LHFPL6: variants seen among roughly 807,000 people sequenced by gnomAD.
LHFPL6 encodes the protein LHFPL tetraspan subfamily member 6 protein.
A neutral mutation model predicts 20.6 loss-of-function variants in LHFPL6; 9 were observed. That is an observed-to-expected ratio of 0.44 (90% CI 0.26 to 0.76). The LOEUF (loss-of-function observed/expected upper bound fraction) is 0.76. Ranked by LOEUF, LHFPL6 falls within the 30% of genes least tolerant of loss-of-function variation. The pLI, the probability that LHFPL6 is intolerant of heterozygous loss-of-function variation, is 0.20. For missense variants in LHFPL6, 218 were observed against 253.5 expected (o/e 0.86, Z 0.95); for synonymous variants, 105 against 98.7 (o/e 1.06, Z -0.38).
At chr13:39,505,903 T>C (rs907797917) in intron 2 of LHFPL6, among the ~76,000 whole-genome samples, 1 of 152,200 alleles carries the variant, frequency 6.6e-6, no homozygotes, top group Non-Finnish European at 1.5e-5. Context: ...CAAGGATGCA[T>C]TATCTTACTG....
chr13:39,584,812 G>A (rs1296366606), intron 2 of LHFPL6, among the ~76,000 whole-genome samples: 2 of 152,034 alleles, frequency 1.3e-5, no homozygotes, highest in Middle Eastern at 3.2e-3. Flanking sequence ...TGACTCCATT[G>A]TAGTTCCCTT....
rs138768422 is a variant in LHFPL6, at chr13:39,344,649, C to A, written c.485-595G>T. On this transcript the variant is annotated intron_variant, in intron 3 of 3. Transcript: ENST00000379589. ...TAAATGAAAATATAATGACAAGCAT[C>A]CAAGTGGGTCCTGATTTCTCAGAGT... Among the ~76,000 whole-genome samples, 1,008 of 152,266 alleles carry A rather than the reference C, an allele frequency of 6.6e-3. 11 individuals are homozygous for A. The highest frequency in any genetic ancestry group is 0.024 in the African/African-American group (979 of 41,540).
chr13:39,582,866 C>CA (rs1315328027), intron 2 of LHFPL6, among the ~76,000 whole-genome samples: 1 of 152,164 alleles, frequency 6.6e-6, no homozygotes, highest in Non-Finnish European at 1.5e-5. Flanking sequence ...CAAGGCCTAG[C>CA]ATCTGCCATT....
chr13:39,562,407 C>T (rs1440106200), intron 2 of LHFPL6, among the ~76,000 whole-genome samples: 2 of 70,190 alleles, frequency 2.8e-5, no homozygotes, highest in Non-Finnish European at 5.6e-5. Context: ...TACATATATA[C>T]ACATATACAC....
intron 2 of LHFPL6, among the ~76,000 whole-genome samples, chr13:39,386,385 A>C (rs1251734168): frequency 6.6e-6 from 1 of 152,202 alleles, no homozygotes; most frequent in Non-Finnish European, 1.5e-5. Context: ...TCTACAAAAA[A>C]AAAGGCTTGG....
intron 2 of LHFPL6, among the ~76,000 whole-genome samples, chr13:39,551,060 T>C (rs1871133132): frequency 6.6e-6 from 1 of 152,180 alleles, no homozygotes; most frequent in African/African-American, 2.4e-5. Flanking sequence ...TCCATTGATC[T>C]ATCCTTTGTC....
At chr13:39,380,608 T>G (rs1003914703) in intron 2 of LHFPL6, among the ~76,000 whole-genome samples, 3 of 151,528 alleles carry the variant, frequency 2.0e-5, no homozygotes, top group Non-Finnish European at 4.4e-5. Context: ...CCTCCCCATC[T>G]CTGCCTCCTG....
intron 2 of LHFPL6, among the ~76,000 whole-genome samples, chr13:39,427,735 G>T (rs1033445898): frequency 1.3e-5 from 2 of 152,106 alleles, no homozygotes; most frequent in African/African-American, 4.8e-5. Context: ...TGATTTGTAG[G>T]CTTCGGATAT....
chr13:39,374,049 A>T (rs959669725), intron 3 of LHFPL6, among the ~76,000 whole-genome samples: 1 of 152,156 alleles, frequency 6.6e-6, no homozygotes, highest in South Asian at 2.1e-4. Context: ...AAAATAAATC[A>T]TTCTACCAAA....
chr13:39,386,362 G>A (rs1870563263), intron 2 of LHFPL6, among the ~76,000 whole-genome samples: 1 of 152,090 alleles, frequency 6.6e-6, no homozygotes, highest in Non-Finnish European at 1.5e-5. Flanking sequence ...AACTCAAGGA[G>A]TACATTCTTT....
chr13:39,558,382 A>G (rs1418214371), intron 2 of LHFPL6, among the ~76,000 whole-genome samples: 1 of 152,250 alleles, frequency 6.6e-6, no homozygotes, highest in African/African-American at 2.4e-5. Context: ...AATAAATATT[A>G]GGTGTTAATT....
intron 2 of LHFPL6, among the ~76,000 whole-genome samples, chr13:39,397,171 A>T (rs1268198765): frequency 1.3e-5 from 2 of 151,932 alleles, no homozygotes; most frequent in East Asian, 3.9e-4. Context: ...GAAAAAAAAA[A>T]GTAGATTTTC....
intron 2 of LHFPL6, among the ~76,000 whole-genome samples, chr13:39,536,124 A>G (rs1235761233): frequency 6.6e-6 from 1 of 152,184 alleles, no homozygotes; most frequent in Non-Finnish European, 1.5e-5. Context: ...CACAAGCAGC[A>G]AGTAGTAAGC....
rs74741701 is a variant in LHFPL6 at position 39,492,000 on chromosome 13, A to C, written c.385+108832T>G. ...TTCTCAAAATGTTTGGCATGAGCCA[A>C]GGGCCTCTTAAAATACATTAAGCTG... On this transcript the variant is annotated intron_variant, in intron 2 of 3. Coordinates refer to ENST00000379589, the MANE Select transcript of LHFPL6 (RefSeq NM_005780.3). 4.4e-3 allele frequency among the ~76,000 whole-genome samples: 674 copies of C among 152,358 alleles called. 5 individuals are homozygous for C. The highest frequency in any genetic ancestry group is 0.015 in the African/African-American group (637 of 41,588).
At chr13:39,386,750 T>C (rs1418355676) in intron 2 of LHFPL6, among the ~76,000 whole-genome samples, 18 of 152,238 alleles carry the variant, frequency 1.2e-4, no homozygotes, top group Admixed American at 1.2e-3. Context: ...AGCCAGGTCC[T>C]GGTCATCCTG....
At chr13:39,406,757 T>C (rs1353927469) in intron 2 of LHFPL6, among the ~76,000 whole-genome samples, 2 of 152,238 alleles carry the variant, frequency 1.3e-5, no homozygotes, top group Non-Finnish European at 2.9e-5. Flanking sequence ...GCATTTAATA[T>C]TATGGGGTGA....
intron 2 of LHFPL6, among the ~76,000 whole-genome samples, chr13:39,492,253 T>C (rs1430781909): frequency 6.6e-6 from 1 of 152,228 alleles, no homozygotes; most frequent in African/African-American, 2.4e-5. Flanking sequence ...CATAATGTCA[T>C]TCCCTGAGTG....
intron 2 of LHFPL6, among the ~76,000 whole-genome samples, chr13:39,379,402 G>T (rs933691674): frequency 6.6e-6 from 1 of 152,196 alleles, no homozygotes; most frequent in African/African-American, 2.4e-5. Context: ...CCACAAATGT[G>T]CTGAACCCAT....
chr13:39,563,032 T>C (rs975846195), intron 2 of LHFPL6, among the ~76,000 whole-genome samples: 1 of 148,868 alleles, frequency 6.7e-6, no homozygotes, highest in Non-Finnish European at 1.5e-5. Flanking sequence ...GTAGGAGTAA[T>C]AGTAATTTGT....
Sources: allele counts gnomAD v4.1 joint callset (sites outside exome capture counted in the v4.1 genomes callset), GRCh38; gene constraint gnomAD v4.1.1; transcripts MANE v1.5; gene names NCBI Gene and HGNC (gene_info 2026-07-23, HGNC 2026-07-21).